Variants in ST3GAL6 observed in about 807,000 individuals in gnomAD.
The protein encoded by ST3GAL6 is type 2 lactosamine alpha-2,3-sialyltransferase.
In ST3GAL6, 31 loss-of-function variants were observed where a neutral mutation model predicts 40.5. That is an observed-to-expected ratio of 0.77 (90% CI 0.58 to 1.03). The LOEUF (loss-of-function observed/expected upper bound fraction) is 1.03. ST3GAL6 is among the 50% of genes least tolerant of loss of function. The pLI is 0.00. For synonymous variants in ST3GAL6, 129 were observed against 136.9 expected, an observed-to-expected ratio of 0.94 and a Z score of 0.40; for missense variants, 357 against 393.2, an observed-to-expected ratio of 0.91 and a Z score of 0.78.
Position 98,783,217 on chromosome 3 carries a change from C to T in ST3GAL6, c.336-1728C>T, listed in dbSNP as rs115323848. 1,034 of 155,482 alleles carry T rather than the reference C, an allele frequency of 6.7e-3. 15 individuals carry two copies. Among genetic ancestry groups the T allele is most frequent in the African/African-American group, 0.023 (962 of 41,560 alleles). The allele number at this position is 155,482 out of a possible 1,614,324, so 9.6% of individuals were successfully genotyped here. ...GATCCAGCAGACCTGCACTGACCACCGTTCTCCAGCCAGCCTCTGCTGCAG... is the reference window on the plus strand; with the variant it reads ...GATCCAGCAGACCTGCACTGACCACTGTTCTCCAGCCAGCCTCTGCTGCAG... On this transcript the variant is annotated intron_variant, in intron 5 of 9. Transcript: ENST00000483910.
chr3:98,780,042 G>A (rs1939941511), intron 5 of ST3GAL6, among the ~76,000 whole-genome samples: 1 of 152,156 alleles, frequency 6.6e-6, no homozygotes, highest in Admixed American at 6.5e-5. Context: ...GTCACCCAAA[G>A]GACACTGAAA....
At chr3:98,774,946 G>A (rs1351288622) in intron 5 of ST3GAL6, among the ~76,000 whole-genome samples, 1 of 152,152 alleles carries the variant, frequency 6.6e-6, no homozygotes, top group African/African-American at 2.4e-5. Context: ...TTTTAATTTT[G>A]ATTGCATATC....
At chr3:98,782,907 C>T (rs1940284607) in intron 5 of ST3GAL6, 1 of 88,196 alleles carries the variant, frequency 1.1e-5, no homozygotes, top group Admixed American at 3.3e-4. Context: ...CCTCAGGATT[C>T]AGAAGTGTTA....
In ST3GAL6 at chr3:98,772,823, T is replaced by G; in HGVS notation, c.178T>G (p.Phe60Val). The stretch of plus-strand genomic sequence containing the variant: ...ATCCTTTCCTTCCAGGTTTCATCAG[T>G]TTCACCCTTTTCTGTGTGCGGCTGA... ...AFASLLRFHQ[F>V]HPFLCAADFR... The change falls in exon 4 of 10, where the codon TTT becomes GTT. Residue 60 changes from phenylalanine to valine, a missense_variant. Physicochemically the swap from Phe to Val is conservative, Grantham distance 50. Transcript: ENST00000483910. 1 of 1,612,880 alleles carries G rather than the reference T, an allele frequency of 6.2e-7. No homozygotes were observed. The highest frequency in any genetic ancestry group is 8.5e-7 in the Non-Finnish European group (1 of 1,179,018).
intron 1 of ST3GAL6, chr3:98,732,919 T>A: frequency 6.6e-7 from 1 of 1,507,848 alleles, no homozygotes; most frequent in Non-Finnish European, 8.8e-7. Flanking sequence ...GCCCCTCAGG[T>A]CTCGGAGCCC....
upstream of ST3GAL6, chr3:98,762,935 A>T (rs1436524993): frequency 1.0e-6 from 1 of 985,306 alleles, no homozygotes; most frequent in Non-Finnish European, 1.2e-6. Context: ...CATTTACATG[A>T]TCATCGCTGC....
rs559934113 is a variant in ST3GAL6, at chr3:98,742,912, C to T, written c.-12+10380C>T. Among the ~76,000 whole-genome samples the T allele has an allele frequency of 2.7e-4, 40 of 150,890 alleles. No individual in the cohort carries two copies. In the South Asian group the frequency reaches 5.7e-3, roughly 22 times the overall value. On this transcript the variant is annotated intron_variant, in intron 1 of 9. Transcript: ENST00000265261. ...ACGGGGTTTGTCCATGTTGGTCAGG[C>T]TGGTCTCAAACTCCCGACCTCAGGT... is the stretch of plus-strand genomic sequence containing the variant.
chr3:98,794,197 C>G lies in ST3GAL6; in HGVS notation c.*436C>G, dbSNP rs1438808852. The G allele has an allele frequency of 6.6e-6, 1 of 152,520 alleles. No individual in the cohort carries two copies. The highest frequency in any genetic ancestry group is 2.4e-5 in the African/African-American group (1 of 41,436). 9.4% of individuals were successfully genotyped at this position (152,520 alleles called of 1,614,324 possible). On this transcript the variant is annotated 3_prime_UTR_variant, in exon 10 of 10. Transcript: ENST00000483910. ...GGCTTGATGTGGCAAGCCGAAACCA[C>G]TTGGCTCTGGAAATCTAAGTTCATA...
intron 1 of ST3GAL6, chr3:98,756,271 A>G: frequency 9.7e-7 from 1 of 1,029,898 alleles, no homozygotes; most frequent in Non-Finnish European, 1.3e-6. Context: ...TGAGTTTACT[A>G]AAATGGCGTT....
At chr3:98,771,312 T>C in intron 3 of ST3GAL6, 4 of 411,576 alleles carry the variant, frequency 9.7e-6, no homozygotes, top group Non-Finnish European at 1.6e-5. Context: ...TGGCTTCTCC[T>C]TCCTTGCCTC....
In ST3GAL6 at chr3:98,770,897, G is replaced by A. The variant is rs2107189488; in HGVS notation, c.108G>A (p.Met36Ile). 6.2e-7 allele frequency: 1 copy of A among 1,614,124 alleles called. No homozygotes were observed. The highest frequency in any genetic ancestry group is 8.5e-7 in the Non-Finnish European group (1 of 1,179,988). Reference sequence around the variant, plus strand: ...CTCATAGGGTGGCACCTGTGGAAATGAAACGGAGAAATAAGATCCAGCCTT... The same window carrying A: ...CTCATAGGGTGGCACCTGTGGAAATAAAACGGAGAAATAAGATCCAGCCTT... ...TNVYWVAPVEMKRRNKIQPCL... is the reference protein window; with the variant it reads ...TNVYWVAPVEIKRRNKIQPCL... Residue 36 changes from methionine to isoleucine, a missense_variant, in exon 3 of 10, where the codon ATG becomes ATA. Physicochemically the swap from Met to Ile is conservative, Grantham distance 10. Coordinates refer to ENST00000483910, the MANE Select transcript of ST3GAL6 (RefSeq NM_001323368.2).
chr3:98,750,744 T>C (rs2107335651), intron 1 of ST3GAL6, among the ~76,000 whole-genome samples: 1 of 152,288 alleles, frequency 6.6e-6, no homozygotes, highest in South Asian at 2.1e-4. Flanking sequence ...AACATACTAG[T>C]AATGTGTGAC....
intron 5 of ST3GAL6, among the ~76,000 whole-genome samples, chr3:98,776,488 T>G (rs1939560638): frequency 6.6e-6 from 1 of 152,214 alleles, no homozygotes; most frequent in South Asian, 2.1e-4. Context: ...ATTTGTGAGC[T>G]GGGCCCACAC....
At chr3:98,742,550 G>A (rs760818483) in intron 1 of ST3GAL6, among the ~76,000 whole-genome samples, 1 of 152,176 alleles carries the variant, frequency 6.6e-6, no homozygotes, top group African/African-American at 2.4e-5. Context: ...GCACTGTGCA[G>A]GGGAGATCAT....
At chr3:98,761,311 T>A (rs1168623414), upstream of ST3GAL6, among the ~76,000 whole-genome samples, 3 of 152,110 alleles carry the variant, frequency 2.0e-5, no homozygotes, top group African/African-American at 4.8e-5. Flanking sequence ...AAGGCAATTT[T>A]AAAAATTACA....
At chr3:98,766,987 TTATG>T (rs1938423596) in intron 1 of ST3GAL6, among the ~76,000 whole-genome samples, 3 of 152,226 alleles carry the variant, frequency 2.0e-5, no homozygotes, top group Non-Finnish European at 4.4e-5. Context: ...TTCACAGGGA[TTATG>T]TATACCTAAT....
At chr3:98,756,424 AG>A in intron 1 of ST3GAL6, 1 of 1,289,808 alleles carries the variant, frequency 7.8e-7, no homozygotes, top group Non-Finnish European at 1.0e-6. Context: ...TCTAACAGAG[AG>A]GCCCCAGCAA....
At chr3:98,778,295 G>C (rs1246239246) in intron 5 of ST3GAL6, among the ~76,000 whole-genome samples, 1 of 152,196 alleles carries the variant, frequency 6.6e-6, no homozygotes, top group East Asian at 1.9e-4. Flanking sequence ...AGCAAAGCTG[G>C]GTTAGATTGA....
Position 98,735,067 on chromosome 3 carries a change from G to A in ST3GAL6, c.-12+2535G>A, listed in dbSNP as rs1205196709. Among the ~76,000 whole-genome samples, 4 of 152,272 alleles carry A rather than the reference G, an allele frequency of 2.6e-5. No individual in the cohort carries two copies. In the East Asian group the frequency reaches 5.8e-4, roughly 22 times the overall value. ...CTTATTGAGAAGGTGAAGGAAGCATGGAACTCCTATTTGGCACCCACTCTG... is the reference window on the plus strand; with the variant it reads ...CTTATTGAGAAGGTGAAGGAAGCATAGAACTCCTATTTGGCACCCACTCTG... On this transcript the variant is annotated intron_variant, in intron 1 of 9. Transcript: ENST00000265261.
Sources: gnomAD v4.1 joint callset for allele counts (sites outside exome capture counted in the v4.1 genomes callset) on GRCh38, gnomAD v4.1.1 for gene constraint, MANE v1.5 for transcripts, NCBI Gene and HGNC (gene_info 2026-07-23, HGNC 2026-07-21) for gene names.